GRIK1: variants seen among roughly 807,000 people sequenced by gnomAD.
GRIK1 encodes the protein glutamate ionotropic receptor kainate type subunit 1.
A neutral mutation model predicts 105.7 loss-of-function variants in GRIK1; 69 were observed. That is an observed-to-expected ratio of 0.65 (90% CI 0.54 to 0.80). The LOEUF (loss-of-function observed/expected upper bound fraction) is 0.80, where lower values mean the gene tolerates loss of function less well. Among genes scored for constraint, GRIK1 ranks in the 30% least tolerant of loss-of-function variants. GRIK1 has a pLI of 0.00. For missense variants in GRIK1, 1,109 were observed against 1,167.3 expected (o/e 0.95, Z 0.73); for synonymous variants, 438 against 431.3 (o/e 1.02, Z -0.19).
chr21:29,847,456 G>A (rs1014809017), intron 1 of GRIK1, among the ~76,000 whole-genome samples: 5 of 152,094 alleles, frequency 3.3e-5, no homozygotes, highest in Admixed American at 6.5e-5. Context: ...TTAGCTGGGC[G>A]TGGTAGTGCG....
At chr21:29,598,002 A>C (rs2061449142) in intron 8 of GRIK1, among the ~76,000 whole-genome samples, 2 of 152,252 alleles carry the variant, frequency 1.3e-5, no homozygotes, top group Non-Finnish European at 2.9e-5. Flanking sequence ...TATTCACTAT[A>C]GTGGGAAAAA....
chr21:29,756,221 A>C (rs976071583), intron 1 of GRIK1, among the ~76,000 whole-genome samples: 4 of 152,146 alleles, frequency 2.6e-5, no homozygotes, highest in Non-Finnish European at 5.9e-5. Context: ...CTCTACTAAA[A>C]ATACAAAAAA....
intron 1 of GRIK1, among the ~76,000 whole-genome samples, chr21:29,831,799 C>A (rs2067649870): frequency 6.6e-6 from 1 of 152,150 alleles, no homozygotes; most frequent in Admixed American, 6.5e-5. Context: ...TCCAACATCT[C>A]ATGTCCTTCT....
At chr21:29,658,527 G>A (rs1231733841) in intron 4 of GRIK1, among the ~76,000 whole-genome samples, 1 of 152,202 alleles carries the variant, frequency 6.6e-6, no homozygotes, top group East Asian at 1.9e-4. Flanking sequence ...CTCCCTAAGT[G>A]CTGGGATCAC....
intron 1 of GRIK1, chr21:29,748,811 C>T (rs958214823): frequency 1.3e-5 from 2 of 152,142 alleles, no homozygotes; most frequent in African/African-American, 4.8e-5. Flanking sequence ...AAATTAACAC[C>T]CTTTTCATAT....
At chr21:29,564,297 G>A (rs1405817920) in intron 14 of GRIK1, among the ~76,000 whole-genome samples, 2 of 151,854 alleles carry the variant, frequency 1.3e-5, no homozygotes, top group Non-Finnish European at 2.9e-5. Flanking sequence ...ACAGGCGCCC[G>A]CCACTACACC....
intron 1 of GRIK1, among the ~76,000 whole-genome samples, chr21:29,772,303 A>C (rs1397516011): frequency 6.6e-6 from 1 of 152,152 alleles, no homozygotes; most frequent in Non-Finnish European, 1.5e-5. Flanking sequence ...GCCCTTTTTG[A>C]GTTATACTAT....
chr21:29,858,367 C>T (rs2068530223), intron 1 of GRIK1, among the ~76,000 whole-genome samples: 1 of 152,190 alleles, frequency 6.6e-6, no homozygotes, highest in Non-Finnish European at 1.5e-5. Context: ...TGCCTCATCT[C>T]TTCTGCAGTA....
At chr21:29,698,998 G>T (rs146780656) in intron 1 of GRIK1, among the ~76,000 whole-genome samples, 1 of 152,230 alleles carries the variant, frequency 6.6e-6, no homozygotes, top group Non-Finnish European at 1.5e-5. Flanking sequence ...TGTCCTGATT[G>T]CTCCCACTGT....
intron 1 of GRIK1, among the ~76,000 whole-genome samples, chr21:29,918,605 A>T (rs1282654607): frequency 6.6e-6 from 1 of 152,132 alleles, no homozygotes; most frequent in African/African-American, 2.4e-5. Flanking sequence ...CATAGCACAT[A>T]ATAATGTGAA....
intron 4 of GRIK1, among the ~76,000 whole-genome samples, chr21:29,655,924 A>G (rs1021243323): frequency 6.6e-6 from 1 of 152,216 alleles, no homozygotes; most frequent in Non-Finnish European, 1.5e-5. Flanking sequence ...AGTCCCGGAA[A>G]TGGTGTCAAC....
At chr21:29,784,121 T>G (rs2066197575) in intron 1 of GRIK1, among the ~76,000 whole-genome samples, 1 of 152,202 alleles carries the variant, frequency 6.6e-6, no homozygotes, top group Non-Finnish European at 1.5e-5. Flanking sequence ...TTGTTACGTA[T>G]CTTACCTTTT....
At chr21:29,609,198 T>A (rs965542861) in intron 7 of GRIK1, among the ~76,000 whole-genome samples, 2 of 151,714 alleles carry the variant, frequency 1.3e-5, no homozygotes, top group African/African-American at 4.8e-5. Context: ...ATTAAAAGAA[T>A]AAAAAGATTC....
At chr21:29,705,749 A>G (rs942406187) in intron 1 of GRIK1, among the ~76,000 whole-genome samples, 2 of 152,220 alleles carry the variant, frequency 1.3e-5, no homozygotes, top group Non-Finnish European at 2.9e-5. Context: ...CTGTATGTCT[A>G]TGAAAAACAG....
chr21:29,560,566 T>TTCTTTCTTTCTTTCTC (rs2090448546), intron 15 of GRIK1, among the ~76,000 whole-genome samples: 1 of 121,492 alleles, frequency 8.2e-6, no homozygotes, highest in Non-Finnish European at 1.6e-5. Flanking sequence ...CTTTCTTTCT[T>TTCTTTCTTTCTTTCTC]TCTTTCTTTC....
chr21:29,887,357 C>T (rs1026914406), intron 1 of GRIK1, among the ~76,000 whole-genome samples: 1 of 152,152 alleles, frequency 6.6e-6, no homozygotes, highest in African/African-American at 2.4e-5. Context: ...GTCAATAAAT[C>T]TGACTCCCAT....
At chr21:29,871,760 A>ATTTTTTT (rs35513177) in intron 1 of GRIK1, among the ~76,000 whole-genome samples, 1 of 121,158 alleles carries the variant, frequency 8.3e-6, no homozygotes, top group Non-Finnish European at 1.6e-5. Flanking sequence ...AATCTTTTTA[A>ATTTTTTT]TTTTTTTTTT....
At chr21:29,924,549 T>A (rs543289946) in intron 1 of GRIK1, among the ~76,000 whole-genome samples, 11 of 152,148 alleles carry the variant, frequency 7.2e-5, no homozygotes, top group African/African-American at 2.4e-4. Flanking sequence ...GGTTTACAGA[T>A]GCTCCTATAT....
chr21:29,937,448 A>G (rs991460482), intron 1 of GRIK1, among the ~76,000 whole-genome samples: 1 of 152,198 alleles, frequency 6.6e-6, no homozygotes, highest in Non-Finnish European at 1.5e-5. Context: ...TATATTTGTA[A>G]GGTCAGTGAA....
Sources: allele counts gnomAD v4.1 joint callset (sites outside exome capture counted in the v4.1 genomes callset), GRCh38; gene constraint gnomAD v4.1.1; transcripts MANE v1.5; gene names NCBI Gene and HGNC (gene_info 2026-07-23, HGNC 2026-07-21).